USH2A: variants seen among roughly 807,000 people sequenced by gnomAD.
USH2A encodes usherin.
A neutral mutation model predicts 538.9 loss-of-function variants in USH2A; 443 were observed. The ratio of observed to expected loss-of-function variants is 0.82; its 90% confidence interval spans 0.76 to 0.89. USH2A has a LOEUF of 0.89. Among genes scored for constraint, USH2A ranks in the 40% least tolerant of loss-of-function variants. The probability of loss-of-function intolerance (pLI) is 0.00; values close to 1 mark genes in which losing one functional copy is unlikely to be tolerated. For missense variants in USH2A, 6,633 were observed against 6,324.8 expected (o/e 1.05, Z -1.65); for synonymous variants, 2,413 against 2,273.5 (o/e 1.06, Z -1.75).
chr1:215,912,129 CT>C (rs1665799159), intron 38 of USH2A, among the ~76,000 whole-genome samples: 1 of 151,856 alleles, frequency 6.6e-6, no homozygotes, highest in Non-Finnish European at 1.5e-5. Context: ...TTGGCAAATA[CT>C]TTCTTCCATT....
chr1:215,743,323 G>A lies in USH2A; in HGVS notation c.11402C>T (p.Pro3801Leu), dbSNP rs763057404. Residue 3801 changes from proline to leucine, a missense_variant, in exon 59 of 72, where the codon CCC (proline) becomes CTC (leucine). Pro to Leu is a moderately conservative substitution (Grantham distance 98, BLOSUM62 -3). Transcript: ENST00000307340. ...VAWIPPGILIPEIPVEYNVLL... is the reference protein window; with the variant it reads ...VAWIPPGILILEIPVEYNVLL... ...GACATTGTACTCCACAGGAATTTCG[G>A]GGATGAGGATCCCTTTAAAGAGAGA... is the stretch of plus-strand genomic sequence containing the variant. The A allele has an allele frequency of 1.2e-6, 2 of 1,601,124 alleles. No homozygotes were observed. Among genetic ancestry groups the A allele is most frequent in the Non-Finnish European group, 1.7e-6 (2 of 1,174,518 alleles).
intron 25 of USH2A, among the ~76,000 whole-genome samples, chr1:216,084,133 CAGAG>C (rs1424683499): frequency 9.1e-4 from 138 of 152,150 alleles, no homozygotes; most frequent in African/African-American, 3.0e-3. Context: ...TCTGATCAGG[CAGAG>C]ACTCAATGTG....
At chr1:215,781,408 C>A (rs549433956) in intron 54 of USH2A, among the ~76,000 whole-genome samples, 1 of 152,148 alleles carries the variant, frequency 6.6e-6, no homozygotes, top group Non-Finnish European at 1.5e-5. Context: ...AGAATAGCAC[C>A]ATGATCCACA....
chr1:215,738,069 A>G (rs752950316), intron 60 of USH2A, among the ~76,000 whole-genome samples: 2 of 152,138 alleles, frequency 1.3e-5, no homozygotes, highest in Non-Finnish European at 2.9e-5. Context: ...TTTGGTTTCT[A>G]TTAAAATTAA....
chr1:216,116,877 C>T (rs928804123), intron 21 of USH2A, among the ~76,000 whole-genome samples: 2 of 152,036 alleles, frequency 1.3e-5, no homozygotes, highest in African/African-American at 4.8e-5. Flanking sequence ...TTAGGAACTT[C>T]CTGAAGATCA....
intron 61 of USH2A, among the ~76,000 whole-genome samples, chr1:215,690,231 T>G (rs1365290068): frequency 6.6e-6 from 1 of 152,058 alleles, no homozygotes; most frequent in Non-Finnish European, 1.5e-5. Flanking sequence ...CCCACAGAGA[T>G]GGTAGCTAAA....
intron 19 of USH2A, among the ~76,000 whole-genome samples, chr1:216,193,026 A>G (rs1205375002): frequency 6.6e-6 from 1 of 152,130 alleles, no homozygotes; most frequent in African/African-American, 2.4e-5. Flanking sequence ...ATGAACAAAC[A>G]GGTTGACTTC....
intron 11 of USH2A, among the ~76,000 whole-genome samples, chr1:216,286,343 C>T (rs2102602255): frequency 6.6e-6 from 1 of 152,270 alleles, no homozygotes; most frequent in African/African-American, 2.4e-5. Flanking sequence ...TCTCTCTTGC[C>T]TGCTGCCATG....
At position 216,046,532 on chromosome 1, in the gene USH2A, C is replaced by T. The variant is rs111033386; in HGVS notation, c.6224G>A (p.Trp2075Ter). 6.8e-6 allele frequency: 11 copies of T among 1,613,686 alleles called. No individual in the cohort carries two copies. The highest frequency in any genetic ancestry group is 9.3e-6 in the Non-Finnish European group (11 of 1,179,812). ...ACCATTTGCCTTTTTGGGTGGGTTC[C>T]AGGAGAGCAGCAAAGAACTGGGAAG... is the stretch of plus-strand genomic sequence containing the variant. ...KSLPSSLLLS[W>*]NPPKKANGII... The change falls in exon 32 of 72, where the codon TGG (tryptophan) becomes TAG (stop). Residue 2075 changes from tryptophan to a stop codon, truncating the protein, a stop_gained. Coordinates refer to ENST00000307340, the MANE Select transcript of USH2A (RefSeq NM_206933.4). LOFTEE classifies it high-confidence loss of function.
chr1:215,886,998 T>C (rs1294370515), intron 41 of USH2A, among the ~76,000 whole-genome samples: 2 of 151,978 alleles, frequency 1.3e-5, no homozygotes, highest in East Asian at 1.9e-4. Flanking sequence ...GCTGGGACTA[T>C]AGGTGCCCGC....
At chr1:215,720,428 G>A (rs1335686330) in intron 61 of USH2A, among the ~76,000 whole-genome samples, 1 of 152,194 alleles carries the variant, frequency 6.6e-6, no homozygotes, top group Non-Finnish European at 1.5e-5. Flanking sequence ...AGTCAAAAGG[G>A]TCTTCTGAAA....
At chr1:215,829,930 C>T (rs1444715969) in intron 47 of USH2A, among the ~76,000 whole-genome samples, 1 of 152,150 alleles carries the variant, frequency 6.6e-6, no homozygotes, top group African/African-American at 2.4e-5. Context: ...GGGGACTTCC[C>T]ATGCAGGCCA....
chr1:215,916,699 C>G (rs1253975011), intron 38 of USH2A, among the ~76,000 whole-genome samples: 1 of 152,116 alleles, frequency 6.6e-6, no homozygotes, highest in Admixed American at 6.6e-5. Flanking sequence ...TCCCCAGTTA[C>G]AGTATATAAT....
chr1:216,115,136 T>C (rs1395116469), intron 21 of USH2A, among the ~76,000 whole-genome samples: 2 of 151,820 alleles, frequency 1.3e-5, no homozygotes, highest in Admixed American at 6.6e-5. Flanking sequence ...TGTTTTGTTT[T>C]GTTTTGTTTT....
At chr1:215,783,596 T>C (rs1003431030) in intron 52 of USH2A, among the ~76,000 whole-genome samples, 4 of 152,180 alleles carry the variant, frequency 2.6e-5, no homozygotes, top group African/African-American at 9.7e-5. Flanking sequence ...AGATGAACAC[T>C]CATGTGATTC....
chr1:215,995,442 T>G (rs982414828), intron 34 of USH2A, among the ~76,000 whole-genome samples: 34 of 152,224 alleles, frequency 2.2e-4, no homozygotes, highest in African/African-American at 8.0e-4. Context: ...TAGAGGGTCC[T>G]AAGTAAGCAG....
chr1:215,858,758 T>C (rs1664239275), intron 44 of USH2A, among the ~76,000 whole-genome samples: 1 of 152,078 alleles, frequency 6.6e-6, no homozygotes, highest in African/African-American at 2.4e-5. Flanking sequence ...TTATCTTAGC[T>C]GGAGCAAATT....
At chr1:215,953,011 C>A (rs950812393) in intron 37 of USH2A, among the ~76,000 whole-genome samples, 16 of 151,934 alleles carry the variant, frequency 1.1e-4, no homozygotes, top group African/African-American at 3.9e-4. Flanking sequence ...TTACAAGGGA[C>A]GTGAAGGACC....
intron 3 of USH2A, among the ~76,000 whole-genome samples, chr1:216,370,164 G>C (rs190754118): frequency 1.3e-4 from 20 of 152,100 alleles, no homozygotes; most frequent in African/African-American, 4.6e-4. Context: ...TTCTAGACCA[G>C]CCTGGCCAAC....
Sources: allele counts gnomAD v4.1 joint callset (sites outside exome capture counted in the v4.1 genomes callset), GRCh38; gene constraint gnomAD v4.1.1; transcripts MANE v1.5; gene names NCBI Gene and HGNC (gene_info 2026-07-23, HGNC 2026-07-21).